Variants in CDH10 observed in about 807,000 individuals in gnomAD.
CDH10 encodes cadherin 10.
CDH10 carries 30 observed loss-of-function variants against 73.1 expected under a neutral mutation model. That is an observed-to-expected ratio of 0.41 (90% CI 0.31 to 0.56). The LOEUF is 0.56. Among genes scored for constraint, CDH10 ranks in the 20% least tolerant of loss-of-function variants. CDH10 has a pLI of 0.27. For synonymous variants in CDH10, 345 were observed against 348.2 expected (o/e 0.99, Z 0.10); for missense variants, 815 against 973.7 (o/e 0.84, Z 2.17).
chr5:24,590,394 A>C, intron 2 of CDH10, among the ~76,000 whole-genome samples: 1 of 151,500 alleles, frequency 6.6e-6, no homozygotes, highest in East Asian at 1.9e-4. Context: ...TATATATAGT[A>C]TATATTATGT....
chr5:24,551,125 C>T (rs1191381591), intron 2 of CDH10, among the ~76,000 whole-genome samples: 2 of 152,106 alleles, frequency 1.3e-5, no homozygotes, highest in African/African-American at 4.8e-5. Context: ...TCATCCTTTT[C>T]CATTCTTAAG....
At chr5:24,524,715 C>T (rs982665362) in intron 5 of CDH10, among the ~76,000 whole-genome samples, 6 of 151,894 alleles carry the variant, frequency 4.0e-5, no homozygotes, top group African/African-American at 9.7e-5. Context: ...GAGGTAATTG[C>T]CATTTCTATA....
chr5:24,520,332 A>C (rs1743267734), intron 5 of CDH10, among the ~76,000 whole-genome samples: 3 of 152,218 alleles, frequency 2.0e-5, no homozygotes, highest in South Asian at 2.1e-4. Context: ...AATATGGGTA[A>C]ATCTTGGGAA....
At chr5:24,493,784 A>G (rs1561120651) in intron 9 of CDH10, among the ~76,000 whole-genome samples, 1 of 151,990 alleles carries the variant, frequency 6.6e-6, no homozygotes. Context: ...ACATAGTCAA[A>G]TTTATGTTTA....
intron 2 of CDH10, among the ~76,000 whole-genome samples, chr5:24,538,761 G>C (rs1298617832): frequency 1.3e-5 from 2 of 152,034 alleles, no homozygotes; most frequent in Non-Finnish European, 2.9e-5. Flanking sequence ...CAATGACCTT[G>C]AGAATTCTGG....
At chr5:24,491,932 T>G in intron 10 of CDH10, 105 bp from the exon 11 acceptor site, 1 of 655,602 alleles carries the variant, frequency 1.5e-6, no homozygotes, top group Non-Finnish European at 2.5e-6. Context: ...ATGTAAAATA[T>G]AAAATTGATA....
chr5:24,505,019 G>A (rs1742654420), intron 8 of CDH10, 93 bp downstream of exon 8: 4 of 880,556 alleles, frequency 4.5e-6, no homozygotes, highest in African/African-American at 1.7e-5. Context: ...TATTTTTAAT[G>A]TAAAATAAAA....
At chr5:24,581,147 C>A (rs903925239) in intron 2 of CDH10, among the ~76,000 whole-genome samples, 4 of 152,112 alleles carry the variant, frequency 2.6e-5, no homozygotes. Flanking sequence ...ATTCTGGGCA[C>A]CCCCCGACCC....
chr5:24,556,232 T>C (rs1014815495), intron 2 of CDH10, among the ~76,000 whole-genome samples: 3 of 152,164 alleles, frequency 2.0e-5, no homozygotes, highest in African/African-American at 7.2e-5. Flanking sequence ...ATAAGTGTTA[T>C]TGATTTGATG....
chr5:24,530,652 A>G (rs913239702), intron 5 of CDH10, among the ~76,000 whole-genome samples: 1 of 152,026 alleles, frequency 6.6e-6, no homozygotes, highest in Non-Finnish European at 1.5e-5. Flanking sequence ...ATCCTCCTCA[A>G]TGGAACTGTT....
intron 2 of CDH10, among the ~76,000 whole-genome samples, chr5:24,540,534 A>G (rs1457544820): frequency 6.6e-6 from 1 of 151,940 alleles, no homozygotes; most frequent in Non-Finnish European, 1.5e-5. Flanking sequence ...AGAAAATTGA[A>G]CATGGTAGTA....
intron 8 of CDH10, among the ~76,000 whole-genome samples, chr5:24,504,542 T>TTTTTTTTTTTTTG: frequency 1.8e-5 from 2 of 110,278 alleles, no homozygotes; most frequent in African/African-American, 3.6e-5. Flanking sequence ...TTTTTTTTTT[T>TTTTTTTTTTTTTG]TAAGATGGAA....
At chr5:24,548,721 T>C (rs1192625136) in intron 2 of CDH10, among the ~76,000 whole-genome samples, 1 of 152,076 alleles carries the variant, frequency 6.6e-6, no homozygotes, top group Non-Finnish European at 1.5e-5. Flanking sequence ...AAGCAAATAA[T>C]CTGATAAACA....
At chr5:24,624,596 T>C (rs1305743687) in intron 1 of CDH10, among the ~76,000 whole-genome samples, 1 of 152,144 alleles carries the variant, frequency 6.6e-6, no homozygotes, top group African/African-American at 2.4e-5. Flanking sequence ...CCTAAAGTAT[T>C]TCTTAAAGTA....
chr5:24,532,540 G>A (rs1400201756), intron 5 of CDH10, among the ~76,000 whole-genome samples: 6 of 152,046 alleles, frequency 3.9e-5, no homozygotes, highest in African/African-American at 1.2e-4. Context: ...GCAGCCACTA[G>A]CCAAGCCACT....
intron 8 of CDH10, among the ~76,000 whole-genome samples, chr5:24,501,380 T>C (rs564622990): frequency 1.3e-5 from 2 of 150,866 alleles, no homozygotes; most frequent in South Asian, 4.2e-4. Context: ...GAGCTACCTA[T>C]TCAAAAAACA....
At chr5:24,563,064 A>G (rs552800342) in intron 2 of CDH10, among the ~76,000 whole-genome samples, 4 of 152,266 alleles carry the variant, frequency 2.6e-5, no homozygotes, top group African/African-American at 9.6e-5. Context: ...AAACTTCACC[A>G]GTTGTTCCAA....
At chr5:24,540,705 A>G (rs759604341) in intron 2 of CDH10, among the ~76,000 whole-genome samples, 20 of 152,014 alleles carry the variant, frequency 1.3e-4, no homozygotes, top group Non-Finnish European at 2.9e-4. Flanking sequence ...TATACGATTT[A>G]CTTGAATCAC....
chr5:24,625,718 A>G (rs1350682978), intron 1 of CDH10, among the ~76,000 whole-genome samples: 1 of 151,544 alleles, frequency 6.6e-6, no homozygotes, highest in African/African-American at 2.4e-5. Flanking sequence ...AGATTTTGGT[A>G]CATGGTTTTA....
Sources: allele counts gnomAD v4.1 joint callset (sites outside exome capture counted in the v4.1 genomes callset), GRCh38; gene constraint gnomAD v4.1.1; transcripts MANE v1.5; gene names NCBI Gene and HGNC (gene_info 2026-07-23, HGNC 2026-07-21).